Variants in ZNF652 observed in about 807,000 individuals in gnomAD.
ZNF652 encodes the protein zinc finger protein 652.
Under a neutral mutation model 45.2 loss-of-function variants are expected in ZNF652, and 16 were observed. The observed-to-expected ratio is 0.35, with a 90% CI of 0.24 to 0.54. The LOEUF (loss-of-function observed/expected upper bound fraction) is 0.54. ZNF652 is among the 20% of genes least tolerant of loss of function. The pLI is 0.91. For missense variants in ZNF652, 614 were observed against 765.6 expected, an observed-to-expected ratio of 0.80 and a Z score of 2.34; for synonymous variants, 250 against 260.6, an observed-to-expected ratio of 0.96 and a Z score of 0.39.
intron 1 of ZNF652, among the ~76,000 whole-genome samples, chr17:49,328,198 T>TA: frequency 6.6e-6 from 1 of 151,802 alleles, no homozygotes; most frequent in Non-Finnish European, 1.5e-5. Context: ...ACAGTGGCAG[T>TA]ATGTGAAGGG....
At chr17:49,325,106 G>A (rs920672012) in intron 1 of ZNF652, among the ~76,000 whole-genome samples, 1 of 152,116 alleles carries the variant, frequency 6.6e-6, no homozygotes, top group Non-Finnish European at 1.5e-5. Flanking sequence ...TTGATAGTCT[G>A]GCACAAGAGG....
chr17:49,321,411 C>T (rs1012198445), intron 1 of ZNF652, among the ~76,000 whole-genome samples: 17 of 149,678 alleles, frequency 1.1e-4, no homozygotes, highest in African/African-American at 4.2e-4. Flanking sequence ...CTACCGGCGC[C>T]CACCACCACG....
Position 49,362,122 on chromosome 17 carries a change from C to A in ZNF652, c.-472G>T. ...CGCTACGTGGCCGCCGCTCCGACGT[C>A]TCGCGACTCCCTTCCCAGCGCGCGA... is the stretch of plus-strand genomic sequence containing the variant. On this transcript the variant is annotated 5_prime_UTR_variant, in exon 1 of 6. Coordinates refer to ENST00000430262, the MANE Select transcript of ZNF652 (RefSeq NM_001145365.3). 1 of 150,484 alleles carries A rather than the reference C, an allele frequency of 6.6e-6. No individual in the cohort carries two copies. Among genetic ancestry groups the A allele is most frequent in the South Asian group, 1.9e-4 (1 of 5,268 alleles). The allele number at this position is 150,484 out of a possible 1,614,324, so 9.3% of individuals were successfully genotyped here.
rs2069823683 is a variant in ZNF652 at position 49,317,441 on chromosome 17, T to C, written c.285A>G (p.Glu95=). The C allele has an allele frequency of 1.2e-6, 2 of 1,614,174 alleles. No homozygotes were observed. The highest frequency in any genetic ancestry group is 1.7e-6 in the Non-Finnish European group (2 of 1,180,032). Residue 95 remains glutamate (E), a synonymous_variant, in exon 2 of 6, where the codon GAA becomes GAG. Coordinates refer to ENST00000430262, the MANE Select transcript of ZNF652 (RefSeq NM_001145365.3). ...RAVSDVHAVK[E]DRENSDDTEE... ...CTGTGTCATCAGAATTCTCCCGGTC[T>C]TCCTTAACAGCATGCACGTCAGACA...
intron 1 of ZNF652, among the ~76,000 whole-genome samples, chr17:49,351,580 T>TAC (rs2070283227): frequency 6.6e-6 from 1 of 152,108 alleles, no homozygotes; most frequent in African/African-American, 2.4e-5. Context: ...ACCACGGACA[T>TAC]ACATATATAT....
At chr17:49,331,540 A>C (rs1036945090) in intron 1 of ZNF652, among the ~76,000 whole-genome samples, 2 of 152,200 alleles carry the variant, frequency 1.3e-5, no homozygotes, top group African/African-American at 4.8e-5. Flanking sequence ...ATAATCCACT[A>C]TGAGAGATGT....
chr17:49,308,228 C>T (rs1355233187), intron 5 of ZNF652, among the ~76,000 whole-genome samples: 7 of 152,048 alleles, frequency 4.6e-5, no homozygotes, highest in Non-Finnish European at 1.0e-4. Flanking sequence ...GTTGCCCAGG[C>T]TGGAGTGACA....
In ZNF652 at chr17:49,290,339, G is replaced by C. The variant is rs1325455512; in HGVS notation, c.*8074C>G. 6.6e-6 allele frequency: 1 copy of C among 152,274 alleles called. No homozygotes were observed. Among genetic ancestry groups the C allele is most frequent in the Non-Finnish European group, 1.5e-5 (1 of 68,100 alleles). 9.4% of individuals were successfully genotyped at this position (152,274 alleles called of 1,614,324 possible). A position where few individuals can be genotyped will look rare whatever the true frequency, so the allele number is the denominator to read the frequency against. ...CACAAACAGAACTCATGGCCAGAGAGCTGATGACCACGGATAGGAGCCCTT... is the reference window on the plus strand; with the variant it reads ...CACAAACAGAACTCATGGCCAGAGACCTGATGACCACGGATAGGAGCCCTT... On this transcript the variant is annotated 3_prime_UTR_variant, in exon 6 of 6. Coordinates refer to ENST00000430262, the MANE Select transcript of ZNF652 (RefSeq NM_001145365.3).
chr17:49,340,686 C>G (rs1480925975), intron 1 of ZNF652, among the ~76,000 whole-genome samples: 1 of 151,858 alleles, frequency 6.6e-6, no homozygotes, highest in Non-Finnish European at 1.5e-5. Flanking sequence ...GAAGCTGAGG[C>G]AGGCGGATAG....
rs1461239657 is a variant in ZNF652, at chr17:49,293,682, A to G, written c.*4731T>C. On this transcript the variant is annotated 3_prime_UTR_variant, in exon 6 of 6. Transcript: ENST00000430262. ...AAAAAAAAAAAAAAAAAAAAAAAAA[A>G]AAACTCTTAAGTAATTTCCTATCTT... Among the ~76,000 whole-genome samples the G allele has an allele frequency of 6.6e-6, 1 of 151,002 alleles. No individual in the cohort carries two copies. The highest frequency in any genetic ancestry group is 1.5e-5 in the Non-Finnish European group (1 of 67,750).
chr17:49,311,800 A>T, intron 4 of ZNF652, 127 bp downstream of exon 4: 1 of 737,462 alleles, frequency 1.4e-6, no homozygotes, highest in Non-Finnish European at 2.3e-6. Flanking sequence ...AGCTCAGAAC[A>T]CATGTCTGAA....
chr17:49,356,676 C>T (rs2070340807), intron 1 of ZNF652, among the ~76,000 whole-genome samples: 1 of 141,596 alleles, frequency 7.1e-6, no homozygotes, highest in Non-Finnish European at 1.6e-5. Context: ...TCTTTATCAG[C>T]AATCCAATAC....
chr17:49,329,153 C>T (rs1401908412), intron 1 of ZNF652, among the ~76,000 whole-genome samples: 1 of 152,218 alleles, frequency 6.6e-6, no homozygotes, highest in Admixed American at 6.5e-5. Context: ...AGTTTTCAAA[C>T]TGATCCACCT....
rs981681906 is a variant in ZNF652, at chr17:49,289,543, G to A, written c.*8870C>T. 6.6e-6 allele frequency: 1 copy of A among 152,236 alleles called. No individual in the cohort carries two copies. The highest frequency in any genetic ancestry group is 2.4e-5 in the African/African-American group (1 of 41,456). 9.4% of individuals were successfully genotyped at this position (152,236 alleles called of 1,614,324 possible). ...ATGCTGGAAAAAATGACTCAGGGAAGCCGGGCAGCATGGGCTCCTTTGGAG... is the reference window on the plus strand; with the variant it reads ...ATGCTGGAAAAAATGACTCAGGGAAACCGGGCAGCATGGGCTCCTTTGGAG... On this transcript the variant is annotated 3_prime_UTR_variant, in exon 6 of 6. Transcript: ENST00000430262.
At chr17:49,309,149 T>C (rs1184103965) in intron 5 of ZNF652, among the ~76,000 whole-genome samples, 1 of 151,914 alleles carries the variant, frequency 6.6e-6, no homozygotes, top group Non-Finnish European at 1.5e-5. Flanking sequence ...CAAGCATCTA[T>C]GTGCCAAGCA....
intron 1 of ZNF652, among the ~76,000 whole-genome samples, chr17:49,343,599 C>A (rs1403142532): frequency 6.6e-6 from 1 of 151,824 alleles, no homozygotes; most frequent in African/African-American, 2.4e-5. Context: ...TAGATGTCAT[C>A]AGTCGAAAAC....
intron 1 of ZNF652, among the ~76,000 whole-genome samples, chr17:49,351,044 C>CAA (rs879694756): frequency 0.05 from 6,314 of 125,908 alleles, 334 homozygotes; most frequent in Middle Eastern, 0.089. Flanking sequence ...CACACACACA[C>CAA]ACACACACAC....
chr17:49,330,088 T>C (rs2070007148), intron 1 of ZNF652, among the ~76,000 whole-genome samples: 1 of 152,198 alleles, frequency 6.6e-6, no homozygotes, highest in Non-Finnish European at 1.5e-5. Context: ...TTGAAGCAAT[T>C]TTTAAAAAGA....
At position 49,297,341 on chromosome 17, in the gene ZNF652, T is replaced by G. The variant is rs1183204280; in HGVS notation, c.*1072A>C. On this transcript the variant is annotated 3_prime_UTR_variant, in exon 6 of 6. Transcript: ENST00000430262. ...AAGTGAGAAACAGACGTGACTGAGA[T>G]GAAATGATCTCCACTACTTCCTCCT... The G allele has an allele frequency of 2.6e-5, 4 of 152,610 alleles. No homozygotes were observed. The highest frequency in any genetic ancestry group is 2.9e-5 in the Non-Finnish European group (2 of 68,028). 9.5% of individuals were successfully genotyped at this position (152,610 alleles called of 1,614,324 possible). A position where few individuals can be genotyped will look rare whatever the true frequency, so the allele number is the denominator to read the frequency against.
Sources: gnomAD v4.1 joint callset for allele counts (sites outside exome capture counted in the v4.1 genomes callset) on GRCh38, gnomAD v4.1.1 for gene constraint, MANE v1.5 for transcripts, NCBI Gene and HGNC (gene_info 2026-07-23, HGNC 2026-07-21) for gene names.